NARS2: variants seen among roughly 807,000 people sequenced by gnomAD.
NARS2 encodes the protein asparaginyl-tRNA synthetase.
In NARS2, 60 loss-of-function variants were observed where a neutral mutation model predicts 62.9. The observed-to-expected ratio is 0.95, with a 90% CI of 0.77 to 1.18. The LOEUF (loss-of-function observed/expected upper bound fraction) is 1.18, where lower values mean the gene tolerates loss of function less well. NARS2 is among the 50% of genes most tolerant of loss of function. The pLI, the probability that NARS2 is intolerant of heterozygous loss-of-function variation, is 0.00. For synonymous variants in NARS2, 196 were observed against 200.0 expected (o/e 0.98, Z 0.17); for missense variants, 619 against 576.4 (o/e 1.07, Z -0.76).
intron 5 of NARS2, among the ~76,000 whole-genome samples, chr11:78,537,509 T>C (rs1855402982): frequency 6.6e-6 from 1 of 152,214 alleles, no homozygotes; most frequent in Admixed American, 6.5e-5. Context: ...AACCAGTAAT[T>C]TGAGGGGCCA....
intron 7 of NARS2, among the ~76,000 whole-genome samples, chr11:78,491,423 G>A (rs769826655): frequency 5.3e-5 from 8 of 152,256 alleles, no homozygotes; most frequent in Non-Finnish European, 1.2e-4. Context: ...CCCTATATGG[G>A]AATCCAGGAA....
At chr11:78,559,931 G>A (rs1856500604) in intron 4 of NARS2, among the ~76,000 whole-genome samples, 1 of 152,212 alleles carries the variant, frequency 6.6e-6, no homozygotes, top group African/African-American at 2.4e-5. Flanking sequence ...GGCTGAGCCA[G>A]GACTAGAACC....
intron 11 of NARS2, among the ~76,000 whole-genome samples, chr11:78,448,298 G>C (rs1385787458): frequency 6.7e-6 from 1 of 150,026 alleles, no homozygotes; most frequent in East Asian, 2.0e-4. Flanking sequence ...GATTCCATGG[G>C]ACAAGGGTGG....
intron 13 of NARS2, among the ~76,000 whole-genome samples, chr11:78,440,678 G>A (rs1020338940): frequency 6.6e-6 from 1 of 151,830 alleles, no homozygotes. Context: ...GATTACAGGT[G>A]CCTGCCACCA....
chr11:78,468,596 G>A (rs1163258754), intron 10 of NARS2, among the ~76,000 whole-genome samples: 1 of 151,306 alleles, frequency 6.6e-6, no homozygotes, highest in East Asian at 1.9e-4. Flanking sequence ...AGTAGAGACG[G>A]GGTTTCACCA....
intron 5 of NARS2, among the ~76,000 whole-genome samples, chr11:78,545,376 C>T (rs1855824428): frequency 6.6e-6 from 1 of 152,170 alleles, no homozygotes; most frequent in Non-Finnish European, 1.5e-5. Flanking sequence ...CTTTCCTATG[C>T]TCGATCCATA....
At chr11:78,519,988 C>G (rs1861054694) in intron 6 of NARS2, among the ~76,000 whole-genome samples, 1 of 152,044 alleles carries the variant, frequency 6.6e-6, no homozygotes, top group Admixed American at 6.5e-5. Flanking sequence ...CCACCACGTC[C>G]AGCTAGTTTT....
At chr11:78,565,901 A>G (rs1265056568) in intron 4 of NARS2, among the ~76,000 whole-genome samples, 1 of 152,228 alleles carries the variant, frequency 6.6e-6, no homozygotes, top group Non-Finnish European at 1.5e-5. Context: ...GATCAAAGCG[A>G]TATCAATAGC....
chr11:78,552,394 T>C (rs1856161467), intron 5 of NARS2, among the ~76,000 whole-genome samples: 2 of 152,222 alleles, frequency 1.3e-5, no homozygotes, highest in South Asian at 4.1e-4. Context: ...AGTCTGTCAC[T>C]GATGGGCACT....
rs1195495253 is a variant in NARS2 at position 78,478,349 on chromosome 11, A to G, written c.959+89T>C. 6.1e-6 allele frequency: 3 copies of G among 493,972 alleles called. No homozygotes were observed. The East Asian group carries it at 1.4e-4, about 22-fold the overall frequency. 30.6% of individuals were successfully genotyped at this position (493,972 alleles called of 1,614,324 possible). ...TATATCCTATATATATAGGATCTATATAAGCAGATATAAATTTAAAAAATT... is the reference window on the plus strand; with the variant it reads ...TATATCCTATATATATAGGATCTATGTAAGCAGATATAAATTTAAAAAATT... On this transcript the variant is annotated intron_variant, in intron 9 of 13. Transcript: ENST00000281038.
intron 12 of NARS2, among the ~76,000 whole-genome samples, chr11:78,441,425 T>C (rs1198635638): frequency 6.6e-6 from 1 of 151,912 alleles, no homozygotes; most frequent in Non-Finnish European, 1.5e-5. Flanking sequence ...AAAGCACTAT[T>C]ATTAGGCAGG....
intron 4 of NARS2, among the ~76,000 whole-genome samples, chr11:78,562,019 G>A (rs375133967): frequency 3.3e-5 from 5 of 151,650 alleles, no homozygotes; most frequent in Non-Finnish European, 5.9e-5. Context: ...TGGGTGACAC[G>A]GCGAGACTCT....
chr11:78,544,402 G>C (rs956600941), intron 5 of NARS2, among the ~76,000 whole-genome samples: 10 of 152,158 alleles, frequency 6.6e-5, no homozygotes, highest in Non-Finnish European at 1.2e-4. Context: ...TAGTGAATTA[G>C]GTAAATTGTA....
intron 6 of NARS2, among the ~76,000 whole-genome samples, chr11:78,512,610 C>T (rs892395040): frequency 1.3e-5 from 2 of 152,104 alleles, no homozygotes; most frequent in Non-Finnish European, 2.9e-5. Context: ...GCCAGAATTC[C>T]AATTTATCTC....
chr11:78,516,112 G>A (rs1394743450), intron 6 of NARS2, among the ~76,000 whole-genome samples: 1 of 152,130 alleles, frequency 6.6e-6, no homozygotes, highest in African/African-American at 2.4e-5. Context: ...TAAAGACACA[G>A]GGCAGAAAAG....
At chr11:78,563,734 G>A (rs1277418367) in intron 4 of NARS2, among the ~76,000 whole-genome samples, 5 of 144,652 alleles carry the variant, frequency 3.5e-5, no homozygotes, top group African/African-American at 1.0e-4. Flanking sequence ...GGGAGGTTGT[G>A]GGAGGAGAAT....
intron 5 of NARS2, chr11:78,558,185 T>C (rs1041609953): frequency 6.6e-6 from 1 of 152,202 alleles, no homozygotes; most frequent in Admixed American, 6.5e-5. Context: ...CCTGCTGCCT[T>C]CTTTGAACTC....
At chr11:78,481,861 C>G in intron 7 of NARS2, among the ~76,000 whole-genome samples, 1 of 152,144 alleles carries the variant, frequency 6.6e-6, no homozygotes, top group East Asian at 1.9e-4. Context: ...GGGGACAGCA[C>G]ACTTTTTTCT....
At chr11:78,438,927 G>C (rs1184378951) in intron 13 of NARS2, among the ~76,000 whole-genome samples, 2 of 151,718 alleles carry the variant, frequency 1.3e-5, no homozygotes, top group Admixed American at 1.3e-4. Flanking sequence ...GAAAACTTTA[G>C]TTGGGAAAAG....
Sources: gnomAD v4.1 joint callset for allele counts (sites outside exome capture counted in the v4.1 genomes callset) on GRCh38, gnomAD v4.1.1 for gene constraint, MANE v1.5 for transcripts, NCBI Gene and HGNC (gene_info 2026-07-23, HGNC 2026-07-21) for gene names.